DAZL: variants seen among roughly 807,000 people sequenced by gnomAD.
The protein encoded by DAZL is deleted in azoospermia like, also known as deleted in azoospermia-like.
In DAZL, 4 loss-of-function variants were observed where a neutral mutation model predicts 45.0. The ratio of observed to expected loss-of-function variants is 0.09; its 90% confidence interval spans 0.04 to 0.20. The LOEUF is 0.20. Among genes scored for constraint, DAZL ranks in the 10% least tolerant of loss-of-function variants. The probability of loss-of-function intolerance (pLI) is 1.00; values close to 1 mark genes in which losing one functional copy is unlikely to be tolerated. For synonymous variants in DAZL, 122 were observed against 112.4 expected (o/e 1.09, Z -0.54); for missense variants, 326 against 351.3 (o/e 0.93, Z 0.58).
chr3:16,605,069 G>C, intron 1 of DAZL, 134 bp downstream of exon 1: 1 of 1,162,710 alleles, frequency 8.6e-7, no homozygotes, highest in Non-Finnish European at 1.3e-6. Context: ...GGCCATGGCT[G>C]TGGTGCGTCC....
chr3:16,588,781 T>G, intron 10 of DAZL, 68 bp from the exon 11 acceptor site: 1 of 1,300,738 alleles, frequency 7.7e-7, no homozygotes. Flanking sequence ...GATCTGAAAG[T>G]TGTCAAAAAC....
chr3:16,592,241 T>G, intron 9 of DAZL, 93 bp from the exon 10 acceptor site: 1 of 1,535,030 alleles, frequency 6.5e-7, no homozygotes, highest in Non-Finnish European at 8.9e-7. Flanking sequence ...ATATATTACT[T>G]TATTTCTAAA....
chr3:16,593,866 A>ACACAACCTACATTGAAACTTT, intron 8 of DAZL, 98 bp from the exon 9 acceptor site: 1 of 736,846 alleles, frequency 1.4e-6, no homozygotes. Flanking sequence ...AAAAGTTTCA[A>ACACAACCTACATTGAAACTTT]TGTAGGTTGT....
Position 16,596,455 on chromosome 3 carries a change from T to C in DAZL, c.498+295A>G, listed in dbSNP as rs9847901. 4.9e-3 allele frequency among the ~76,000 whole-genome samples: 751 copies of C among 151,976 alleles called. 6 individuals carry two copies. Among genetic ancestry groups the C allele is most frequent in the African/African-American group, 0.017 (703 of 41,514 alleles). On this transcript the variant is annotated intron_variant, in intron 6 of 10. Transcript: ENST00000399444. ...AATATACTAGACAGACACATAACGA[T>C]AGCTGCTTTCAAATGCTTTAGGAAC...
At position 16,587,426 on chromosome 3, in the gene DAZL, ACTGCTCTG is replaced by A. The variant is rs2125042225; in HGVS notation, c.*1226_*1233del. 1 of 152,698 alleles carries A rather than the reference ACTGCTCTG, an allele frequency of 6.5e-6. No homozygotes were observed. Among genetic ancestry groups the A allele is most frequent in the South Asian group, 2.1e-4 (1 of 4,822 alleles). The allele number at this position is 152,698 out of a possible 1,614,324, so 9.5% of individuals were successfully genotyped here. On this transcript the variant is annotated 3_prime_UTR_variant, in exon 11 of 11. Transcript: ENST00000399444. ...TACCGTTCCAGGGTTTGGCCCTTGAACTGCTCTGCTCATACAGCTACTTTCATTCTTTA... is the reference window on the plus strand; with the variant it reads ...TACCGTTCCAGGGTTTGGCCCTTGAACTCATACAGCTACTTTCATTCTTTA...
chr3:16,599,222 T>C (rs1410048082), intron 1 of DAZL, among the ~76,000 whole-genome samples: 4 of 151,734 alleles, frequency 2.6e-5, no homozygotes, highest in African/African-American at 4.8e-5. Context: ...AGTTCAGATT[T>C]GTAAAAATCA....
rs1451787988 is a variant in DAZL at position 16,593,746 on chromosome 3, T to C, written c.644A>G (p.His215Arg). The C allele has an allele frequency of 4.3e-6, 7 of 1,610,818 alleles. No homozygotes were observed. The highest frequency in any genetic ancestry group is 5.9e-6 in the Non-Finnish European group (7 of 1,177,636). The change falls in exon 9 of 11, where the codon CAC (histidine) becomes CGC (arginine). Residue 215 changes from histidine (H) to arginine (R), a missense_variant. His to Arg is a conservative substitution (Grantham distance 29). Transcript: ENST00000399444. The stretch of plus-strand genomic sequence containing the variant: ...AGCTCCTGGATCAACTTCATTACAG[T>C]GGTAGTTAACAGCTGAATAAGCCTA... ...VPPAYSAVNY[H>R]CNEVDPGAEV...
intron 1 of DAZL, among the ~76,000 whole-genome samples, chr3:16,602,955 AAAAAT>A (rs1485961961): frequency 1.3e-5 from 2 of 152,234 alleles, no homozygotes; most frequent in African/African-American, 4.8e-5. Flanking sequence ...CAATACAAAT[AAAAAT>A]AAAAAGGAAG....
At chr3:16,593,380 C>T (rs1217303923) in intron 9 of DAZL, among the ~76,000 whole-genome samples, 5 of 152,108 alleles carry the variant, frequency 3.3e-5, no homozygotes, top group Non-Finnish European at 7.4e-5. Flanking sequence ...CCTATCTTGC[C>T]CAGGGTGGTC....
Position 16,587,041 on chromosome 3 carries a change from G to A in DAZL, c.*1619C>T, listed in dbSNP as rs1301378668. On this transcript the variant is annotated 3_prime_UTR_variant, in exon 11 of 11. Transcript: ENST00000399444. ...ATATAGATATCATTTATAGTAAGCT[G>A]GAGATTTAATCACAGAATGATATGT... is the stretch of plus-strand genomic sequence containing the variant. 3 of 152,020 alleles carry A rather than the reference G, an allele frequency of 2.0e-5. No homozygotes were observed. Among genetic ancestry groups the A allele is most frequent in the Non-Finnish European group, 4.4e-5 (3 of 67,990 alleles). 9.4% of individuals were successfully genotyped at this position (152,020 alleles called of 1,614,324 possible).
intron 1 of DAZL, chr3:16,604,514 C>T: frequency 6.6e-7 from 1 of 1,512,870 alleles, no homozygotes; most frequent in South Asian, 1.2e-5. Context: ...AGCAAGTCCC[C>T]CGCAGCTGAC....
At chr3:16,602,255 A>C (rs893688567) in intron 1 of DAZL, among the ~76,000 whole-genome samples, 3 of 152,238 alleles carry the variant, frequency 2.0e-5, no homozygotes, top group Non-Finnish European at 4.4e-5. Flanking sequence ...TGCTATGCAT[A>C]AACTCTATAG....
chr3:16,602,585 C>T (rs559066929), intron 1 of DAZL, among the ~76,000 whole-genome samples: 1 of 152,162 alleles, frequency 6.6e-6, no homozygotes, highest in African/African-American at 2.4e-5. Flanking sequence ...AAAGCCTCAT[C>T]AAGATGAGCC....
At chr3:16,604,278 G>C (rs554239887) in intron 1 of DAZL, among the ~76,000 whole-genome samples, 1 of 152,224 alleles carries the variant, frequency 6.6e-6, no homozygotes, top group African/African-American at 2.4e-5. Context: ...TTGTGGTGGC[G>C]CTGAAGCAAC....
intron 9 of DAZL, among the ~76,000 whole-genome samples, chr3:16,592,554 G>C (rs966323651): frequency 1.4e-5 from 2 of 142,838 alleles, no homozygotes; most frequent in African/African-American, 5.2e-5. Flanking sequence ...GGGCAACACA[G>C]CGAGACTCTG....
chr3:16,602,246 G>A (rs908608243), intron 1 of DAZL, among the ~76,000 whole-genome samples: 2 of 152,122 alleles, frequency 1.3e-5, no homozygotes, highest in African/African-American at 4.8e-5. Context: ...ATAAAACAAT[G>A]CTATGCATAA....
At chr3:16,590,535 T>C (rs1276585043) in intron 10 of DAZL, among the ~76,000 whole-genome samples, 2 of 152,210 alleles carry the variant, frequency 1.3e-5, no homozygotes, top group East Asian at 1.9e-4. Context: ...TTCCCAAGTA[T>C]ATACGCAAGA....
chr3:16,599,618 C>G lies in DAZL; in HGVS notation c.4-1020G>C, dbSNP rs73142524. On this transcript the variant is annotated intron_variant, in intron 1 of 10. Transcript: ENST00000399444. ...TGATAATTCTAATTATCACAGTAGGCAGATATAAATTATACCATCTTTATT... is the reference window on the plus strand; with the variant it reads ...TGATAATTCTAATTATCACAGTAGGGAGATATAAATTATACCATCTTTATT... Among the ~76,000 whole-genome samples the G allele has an allele frequency of 4.3e-3, 649 of 152,260 alleles. 8 individuals carry two copies. The highest frequency in any genetic ancestry group is 0.015 in the African/African-American group (622 of 41,546).
chr3:16,594,636 T>C, intron 7 of DAZL, 53 bp from the exon 8 acceptor site: 1 of 1,341,782 alleles, frequency 7.5e-7, no homozygotes. Context: ...CTACAAATTT[T>C]CAAAAACACA....
Sources: gnomAD v4.1 joint callset for allele counts (sites outside exome capture counted in the v4.1 genomes callset) on GRCh38, gnomAD v4.1.1 for gene constraint, MANE v1.5 for transcripts, NCBI Gene and HGNC (gene_info 2026-07-23, HGNC 2026-07-21) for gene names.